ARMC8: variants seen among roughly 807,000 people sequenced by gnomAD.
The protein encoded by ARMC8 is armadillo repeat containing 8.
ARMC8 carries 20 observed loss-of-function variants against 99.3 expected under a neutral mutation model. That is an observed-to-expected ratio of 0.20 (90% CI 0.14 to 0.29). The LOEUF (loss-of-function observed/expected upper bound fraction) is 0.29. ARMC8 is among the 10% of genes least tolerant of loss of function. ARMC8 has a pLI of 1.00. For synonymous variants in ARMC8, 263 were observed against 278.3 expected (o/e 0.95, Z 0.55); for missense variants, 569 against 809.5 (o/e 0.70, Z 3.60).
At chr3:138,187,682 T>C (rs2043139535) in intron 1 of ARMC8, 83 bp downstream of exon 1, 7 of 1,430,164 alleles carry the variant, frequency 4.9e-6, no homozygotes, top group Non-Finnish European at 5.7e-6. Context: ...GTGGTGTGCC[T>C]CCTGGGCACC....
At chr3:138,226,452 C>A (rs564001188) in intron 5 of ARMC8, among the ~76,000 whole-genome samples, 2 of 152,162 alleles carry the variant, frequency 1.3e-5, no homozygotes, top group South Asian at 2.1e-4. Context: ...ACCCCACCTC[C>A]AGTTTATGAT....
intron 3 of ARMC8, 39 bp from the exon 4 acceptor site, chr3:138,223,350 T>C: frequency 6.2e-7 from 1 of 1,603,144 alleles, no homozygotes; most frequent in Non-Finnish European, 8.5e-7. Flanking sequence ...CTTGTTTAAA[T>C]TTTTTAGTCT....
intron 12 of ARMC8, chr3:138,245,760 T>C: frequency 1.0e-6 from 1 of 986,998 alleles, no homozygotes; most frequent in East Asian, 1.1e-4. Flanking sequence ...ACCCTTATGT[T>C]ACTAAAGCCT....
At chr3:138,193,555 C>T (rs550542104) in intron 1 of ARMC8, among the ~76,000 whole-genome samples, 13 of 152,338 alleles carry the variant, frequency 8.5e-5, no homozygotes, top group East Asian at 1.9e-4. Flanking sequence ...CGTGAGCCAC[C>T]GTGCCCAGCC....
intron 16 of ARMC8, 95 bp downstream of exon 16, chr3:138,270,227 T>G (rs1448824801): frequency 9.7e-7 from 1 of 1,030,614 alleles, no homozygotes; most frequent in Non-Finnish European, 1.4e-6. Context: ...TGTCTGGAAT[T>G]TTCTTTTTCA....
intron 6 of ARMC8, among the ~76,000 whole-genome samples, chr3:138,234,786 C>T (rs1046901561): frequency 2.6e-5 from 4 of 152,098 alleles, no homozygotes; most frequent in African/African-American, 9.7e-5. Flanking sequence ...AGCTTCTGGG[C>T]CCACTTCTAT....
intron 2 of ARMC8, among the ~76,000 whole-genome samples, chr3:138,216,871 C>CAAAAT (rs1483368234): frequency 1.3e-5 from 2 of 151,760 alleles, no homozygotes; most frequent in Non-Finnish European, 2.9e-5. Context: ...AATACTGGTT[C>CAAAAT]AAAATAAATA....
chr3:138,251,531 T>C (rs2047123015), intron 12 of ARMC8, among the ~76,000 whole-genome samples: 1 of 152,166 alleles, frequency 6.6e-6, no homozygotes, highest in Admixed American at 6.5e-5. Context: ...CAAACTGTGG[T>C]TAAGTTGTTA....
intron 1 of ARMC8, among the ~76,000 whole-genome samples, chr3:138,191,680 C>A (rs1332932813): frequency 6.6e-6 from 1 of 152,208 alleles, no homozygotes; most frequent in Admixed American, 6.5e-5. Context: ...GTATCCCTAA[C>A]CCCTGGCAAC....
chr3:138,217,863 G>A (rs1480293703), intron 2 of ARMC8, among the ~76,000 whole-genome samples: 1 of 152,094 alleles, frequency 6.6e-6, no homozygotes, highest in Non-Finnish European at 1.5e-5. Context: ...GCACCCATGT[G>A]CCCAGACATG....
intron 12 of ARMC8, 70 bp downstream of exon 12, chr3:138,245,253 T>TCC (rs765578087): frequency 1.2e-6 from 2 of 1,614,076 alleles, no homozygotes; most frequent in Non-Finnish European, 1.7e-6. Context: ...AACCTGAAAG[T>TCC]CGTGGTGAAG....
In ARMC8 at chr3:138,216,837, A is replaced by T. The variant is rs372112733; in HGVS notation, c.123-5089A>T. 2.6e-5 allele frequency among the ~76,000 whole-genome samples: 4 copies of T among 152,360 alleles called. No individual in the cohort carries two copies. The East Asian group carries it at 7.7e-4, about 29-fold the overall frequency. ...ATAGAGTATTCCAAATATGAAGCAG[A>T]AAAGAGCTGCTTCAGGTACGTGAAA... is the stretch of plus-strand genomic sequence containing the variant. On this transcript the variant is annotated intron_variant, in intron 2 of 21. Coordinates refer to ENST00000469044, the MANE Select transcript of ARMC8 (RefSeq NM_001363941.2).
chr3:138,271,043 C>T (rs1013235452), intron 16 of ARMC8, among the ~76,000 whole-genome samples: 1 of 152,128 alleles, frequency 6.6e-6, no homozygotes, highest in Non-Finnish European at 1.5e-5. Flanking sequence ...GTGAAGGCCT[C>T]ACAGTTAATA....
chr3:138,255,486 G>A (rs1431873420), intron 12 of ARMC8, among the ~76,000 whole-genome samples: 3 of 152,082 alleles, frequency 2.0e-5, no homozygotes, highest in Non-Finnish European at 4.4e-5. Flanking sequence ...ACAGGCCTGA[G>A]CCACCGCGCA....
intron 1 of ARMC8, among the ~76,000 whole-genome samples, chr3:138,202,245 G>A (rs2044126660): frequency 6.6e-6 from 1 of 152,074 alleles, no homozygotes; most frequent in Non-Finnish European, 1.5e-5. Flanking sequence ...ATTTCGTCTG[G>A]GGTCAGAATA....
chr3:138,262,599 A>C, intron 12 of ARMC8: 1 of 909,366 alleles, frequency 1.1e-6, no homozygotes, highest in African/African-American at 1.7e-5. Flanking sequence ...GAGGAGATTA[A>C]AAAAAAAAAA....
intron 12 of ARMC8, 193 bp downstream of exon 12, chr3:138,245,376 T>C: frequency 6.3e-6 from 9 of 1,431,026 alleles, no homozygotes; most frequent in Non-Finnish European, 8.3e-6. Flanking sequence ...GAACATAGAG[T>C]GGCATGGCCG....
intron 8 of ARMC8, 22 bp downstream of exon 8, chr3:138,237,406 C>A (rs780678884): frequency 6.2e-7 from 1 of 1,610,938 alleles, no homozygotes; most frequent in African/African-American, 1.3e-5. Context: ...CTTTCAGTGG[C>A]ACCTACATGA....
intron 1 of ARMC8, among the ~76,000 whole-genome samples, chr3:138,189,304 A>G (rs2043244962): frequency 1.3e-5 from 2 of 152,016 alleles, no homozygotes; most frequent in Admixed American, 1.3e-4. Context: ...TTAAAAAAAA[A>G]GGATTTCCGT....
Sources: gnomAD v4.1 joint callset for allele counts (sites outside exome capture counted in the v4.1 genomes callset) on GRCh38, gnomAD v4.1.1 for gene constraint, MANE v1.5 for transcripts, NCBI Gene and HGNC (gene_info 2026-07-23, HGNC 2026-07-21) for gene names.